Variants in SP8 observed in about 807,000 individuals in gnomAD.
SP8 encodes transcription factor Sp8.
A neutral mutation model predicts 15.3 loss-of-function variants in SP8; 7 were observed. That is an observed-to-expected ratio of 0.46 (90% CI 0.26 to 0.86). The LOEUF is 0.86. SP8 is among the 40% of genes least tolerant of loss of function. The pLI, the probability that SP8 is intolerant of heterozygous loss-of-function variation, is 0.16. For missense variants in SP8, 731 were observed against 736.4 expected, an observed-to-expected ratio of 0.99 and a Z score of 0.09; for synonymous variants, 415 against 356.3, an observed-to-expected ratio of 1.16 and a Z score of -1.86.
rs977743022 is a variant in SP8 at position 20,786,137 on chromosome 7, G to C, written c.22-342C>G. ...TCGTAACAAACAAGCAAAAAGTCCA[G>C]ATTGGAGAGGAAGGAAGTTTTCTTT... On this transcript the variant is annotated intron_variant, in intron 1 of 1. Transcript: ENST00000418710. This position sits in a 1 kb window ranked among gnomAD's most constrained non-coding sequence, Gnocchi z 4.4. 1.5e-6 allele frequency: 1 copy of C among 657,380 alleles called. No individual in the cohort carries two copies. The highest frequency in any genetic ancestry group is 2.0e-6 in the Non-Finnish European group (1 of 509,112). 40.7% of individuals were successfully genotyped at this position (657,380 alleles called of 1,614,324 possible).
chr7:20,785,431 G>A lies in SP8; in HGVS notation c.386C>T (p.Ala129Val). The change falls in exon 2 of 2, where the codon GCC becomes GTC. Residue 129 changes from alanine to valine, a missense_variant. By Grantham distance (64) the Ala-to-Val change is moderately conservative. This residue lies in a region of SP8 where 586 missense variants were observed against 524.9 expected (regional missense o/e 1.12). Transcript: ENST00000418710. This position sits in a 1 kb window ranked among gnomAD's most constrained non-coding sequence, Gnocchi z 7.2. ...CGAGCTGGAGGCGGCGGCTGCGGCG[G>A]CGGCGGCGGCGGCTGCGGCGCTGCT... is the stretch of plus-strand genomic sequence containing the variant. ...TSSSAAAAAAAAAAAASSSPF... is the reference protein window; with the variant it reads ...TSSSAAAAAAVAAAAASSSPF... 1.5e-6 allele frequency: 2 copies of A among 1,308,310 alleles called. No homozygotes were observed. Among genetic ancestry groups the A allele is most frequent in the South Asian group, 2.2e-5 (1 of 45,616 alleles). 81.0% of individuals were successfully genotyped at this position (1,308,310 alleles called of 1,614,324 possible). A position where few individuals can be genotyped will look rare whatever the true frequency, so the allele number is the denominator to read the frequency against.
In SP8 at chr7:20,785,419, G is replaced by A; in HGVS notation, c.398C>T (p.Ala133Val). 1 of 1,237,224 alleles carries A rather than the reference G, an allele frequency of 8.1e-7. No individual in the cohort carries two copies. Among genetic ancestry groups the A allele is most frequent in the South Asian group, 2.2e-5 (1 of 46,180 alleles). The allele number at this position is 1,237,224 out of a possible 1,614,324, so 76.6% of individuals were successfully genotyped here. Residue 133 changes from alanine to valine, a missense_variant, in exon 2 of 2, where the codon GCC (alanine) becomes GTC (valine). By Grantham distance (64) the Ala-to-Val change is moderately conservative. Coordinates refer to ENST00000418710, the MANE Select transcript of SP8 (RefSeq NM_182700.6). This position sits in a 1 kb window ranked among gnomAD's most constrained non-coding sequence, Gnocchi z 7.2. ...GTTGGCGAAGGGCGAGCTGGAGGCGGCGGCTGCGGCGGCGGCGGCGGCGGC... is the reference window on the plus strand; with the variant it reads ...GTTGGCGAAGGGCGAGCTGGAGGCGACGGCTGCGGCGGCGGCGGCGGCGGC... ...AAAAAAAAAA[A>V]ASSSPFANDY...
chr7:20,783,702 A>C lies in SP8; in HGVS notation c.*588T>G. 1 of 152,796 alleles carries C rather than the reference A, an allele frequency of 6.5e-6. No homozygotes were observed. Among genetic ancestry groups the C allele is most frequent in the Non-Finnish European group, 1.5e-5 (1 of 68,410 alleles). 9.5% of individuals were successfully genotyped at this position (152,796 alleles called of 1,614,324 possible). A position where few individuals can be genotyped will look rare whatever the true frequency, so the allele number is the denominator to read the frequency against. On this transcript the variant is annotated 3_prime_UTR_variant, in exon 2 of 2. Coordinates refer to ENST00000418710, the MANE Select transcript of SP8 (RefSeq NM_182700.6). ...CCCACCAAGCCCCGACAGCCTGAGT[A>C]GGACGTCCGGCGATGCCCAGGGGCC...
In SP8 at chr7:20,784,498, T is replaced by C; in HGVS notation, c.1319A>G (p.Asn440Ser). The change falls in exon 2 of 2, where the codon AAC (asparagine) becomes AGC (serine). Residue 440 changes from asparagine to serine, a missense_variant. Asn to Ser is a conservative substitution (Grantham distance 46). Transcript: ENST00000418710. ...GTGGTCGCTGCGCATGAAGCGCTTG[T>C]TGCAAACTGGACAGGCGAAGCGCTT... ...GEKRFACPVC[N>S]KRFMRSDHLS... The C allele has an allele frequency of 3.2e-6, 5 of 1,559,656 alleles. No homozygotes were observed. Among genetic ancestry groups the C allele is most frequent in the Non-Finnish European group, 4.3e-6 (5 of 1,153,024 alleles).
At position 20,784,264 on chromosome 7, in the gene SP8, G is replaced by C; in HGVS notation, c.*26C>G. The C allele has an allele frequency of 6.9e-7, 1 of 1,442,688 alleles. No individual in the cohort carries two copies. The highest frequency in any genetic ancestry group is 9.1e-7 in the Non-Finnish European group (1 of 1,102,904). 89.4% of individuals were successfully genotyped at this position (1,442,688 alleles called of 1,614,324 possible). On this transcript the variant is annotated 3_prime_UTR_variant, in exon 2 of 2. Transcript: ENST00000418710. Reference sequence around the variant, plus strand: ...AGAGGACTTGGTGGGAGGAGGTCGGGGAGAGGGGCGGGCGCAGGGTGGGCG... The same window carrying C: ...AGAGGACTTGGTGGGAGGAGGTCGGCGAGAGGGGCGGGCGCAGGGTGGGCG...
chr7:20,784,312 C>T lies in SP8; in HGVS notation c.1505G>A (p.Gly502Glu), dbSNP rs753449952. The change falls in exon 2 of 2, where the codon GGG becomes GAG. Residue 502 changes from glycine (G) to glutamate (E), a missense_variant. Coordinates refer to ENST00000418710, the MANE Select transcript of SP8 (RefSeq NM_182700.6). ...SPELLQPPEP[G>E]HRNGLE ...GCGTCACTCTAGGCCGTTGCGGTGC[C>T]CGGGCTCGGGGGGCTGCAGCAGCTC... The T allele has an allele frequency of 6.7e-7, 1 of 1,498,046 alleles. No homozygotes were observed. The highest frequency in any genetic ancestry group is 2.2e-5 in the Admixed American group (1 of 46,328). 92.8% of individuals were successfully genotyped at this position (1,498,046 alleles called of 1,614,324 possible).
chr7:20,784,212 A>G lies in SP8; in HGVS notation c.*78T>C. 1.6e-6 allele frequency: 2 copies of G among 1,229,906 alleles called. No homozygotes were observed. The highest frequency in any genetic ancestry group is 1.6e-5 in the African/African-American group (1 of 61,882). The allele number at this position is 1,229,906 out of a possible 1,614,324, so 76.2% of individuals were successfully genotyped here. ...GTCGGATGCAATAGGGAAAGGCTGG[A>G]GTTGAAGTCCGGACAGACAGGGCCC... is the stretch of plus-strand genomic sequence containing the variant. On this transcript the variant is annotated 3_prime_UTR_variant, in exon 2 of 2. Coordinates refer to ENST00000418710, the MANE Select transcript of SP8 (RefSeq NM_182700.6).
In SP8 at chr7:20,783,310, G is replaced by A. The variant is rs1306842940; in HGVS notation, c.*980C>T. The A allele has an allele frequency of 1.3e-5, 2 of 152,568 alleles. No individual in the cohort carries two copies. The highest frequency in any genetic ancestry group is 2.4e-5 in the African/African-American group (1 of 41,416). 9.5% of individuals were successfully genotyped at this position (152,568 alleles called of 1,614,324 possible). On this transcript the variant is annotated 3_prime_UTR_variant, in exon 2 of 2. Transcript: ENST00000418710. ...ATAGTTAATCTGGTCTCACCGGAAA[G>A]GAGTATTTTTGCATAAGAAAAAAGC...
At position 20,785,984 on chromosome 7, in the gene SP8, C is replaced by T; in HGVS notation, c.22-189G>A. Reference sequence around the variant, plus strand: ...AACAGCCCCGGCGCCCGGCCGCTTCCTACTCTACAGGAGGGGACAAGTTTG... The same window carrying T: ...AACAGCCCCGGCGCCCGGCCGCTTCTTACTCTACAGGAGGGGACAAGTTTG... On this transcript the variant is annotated intron_variant, in intron 1 of 1. Transcript: ENST00000418710. The surrounding 1 kb of genome is among the most constrained non-coding windows in gnomAD (Gnocchi z 7.2). The T allele has an allele frequency of 6.9e-7, 1 of 1,442,594 alleles. No individual in the cohort carries two copies. Among genetic ancestry groups the T allele is most frequent in the East Asian group, 2.5e-5 (1 of 39,842 alleles). The allele number at this position is 1,442,594 out of a possible 1,614,324, so 89.4% of individuals were successfully genotyped here.
At position 20,783,203 on chromosome 7, in the gene SP8, T is replaced by C. The variant is rs1783546617; in HGVS notation, c.*1087A>G. ...ATTTACGAAATTGGTACTATACAAT[T>C]GACGGCCGGACTAACAAAAAAGATT... On this transcript the variant is annotated 3_prime_UTR_variant, in exon 2 of 2. Transcript: ENST00000418710. 1.3e-5 allele frequency: 2 copies of C among 152,450 alleles called. No homozygotes were observed. The highest frequency in any genetic ancestry group is 6.6e-5 in the Admixed American group (1 of 15,260). The allele number at this position is 152,450 out of a possible 1,614,324, so 9.4% of individuals were successfully genotyped here.
In SP8 at chr7:20,786,411, ATT is replaced by A. The variant is rs889294182; in HGVS notation, c.21+365_21+366del. Among the ~76,000 whole-genome samples the A allele has an allele frequency of 6.6e-6, 1 of 151,542 alleles. No individual in the cohort carries two copies. Among genetic ancestry groups the A allele is most frequent in the African/African-American group, 2.4e-5 (1 of 41,274 alleles). On this transcript the variant is annotated intron_variant, in intron 1 of 1. Transcript: ENST00000418710. The surrounding 1 kb of genome is among the most constrained non-coding windows in gnomAD (Gnocchi z 4.4). ...CCTGCGAGACAAGGCGGGCTGCAGAATTTTTTTTTAAGGGTTAGGGGAAGAAT... is the reference window on the plus strand; with the variant it reads ...CCTGCGAGACAAGGCGGGCTGCAGAATTTTTTTAAGGGTTAGGGGAAGAAT...
At position 20,784,177 on chromosome 7, in the gene SP8, CAGAG is replaced by C; in HGVS notation, c.*109_*112del. ...GAAGAGGGGCAGAAACAGAAAGAGA[CAGAG>C]AGCGAGTCGGATGCAATAGGGAAAG... On this transcript the variant is annotated 3_prime_UTR_variant, in exon 2 of 2. Coordinates refer to ENST00000418710, the MANE Select transcript of SP8 (RefSeq NM_182700.6). The C allele has an allele frequency of 2.1e-6, 2 of 961,280 alleles. No individual in the cohort carries two copies. The highest frequency in any genetic ancestry group is 4.5e-5 in the South Asian group (2 of 44,344). The allele number at this position is 961,280 out of a possible 1,614,324, so 59.5% of individuals were successfully genotyped here.
In SP8 at chr7:20,786,293, C is replaced by A. The variant is rs1783676442; in HGVS notation, c.21+485G>T. 6.6e-6 allele frequency among the ~76,000 whole-genome samples: 1 copy of A among 152,116 alleles called. No individual in the cohort carries two copies. The highest frequency in any genetic ancestry group is 2.1e-4 in the South Asian group (1 of 4,824). On this transcript the variant is annotated intron_variant, in intron 1 of 1. Coordinates refer to ENST00000418710, the MANE Select transcript of SP8 (RefSeq NM_182700.6). This position sits in a 1 kb window ranked among gnomAD's most constrained non-coding sequence, Gnocchi z 4.4. Reference sequence around the variant, plus strand: ...TTGTTTCTCCCAGGCCAAAAGAAATCAAACTGTAGGGCTCACTCTTTCTTC... The same window carrying A: ...TTGTTTCTCCCAGGCCAAAAGAAATAAAACTGTAGGGCTCACTCTTTCTTC...
In SP8 at chr7:20,785,430, G is replaced by GGCGGCGGCGGCGGCT; in HGVS notation, c.372_386dup (p.Ala130_Ala134dup). On this transcript the variant is annotated inframe_insertion, in exon 2 of 2. Transcript: ENST00000418710. This position sits in a 1 kb window ranked among gnomAD's most constrained non-coding sequence, Gnocchi z 7.2. Reference sequence around the variant, plus strand: ...GCGAGCTGGAGGCGGCGGCTGCGGCGGCGGCGGCGGCGGCTGCGGCGCTGC... The same window carrying GGCGGCGGCGGCGGCT: ...GCGAGCTGGAGGCGGCGGCTGCGGCGGCGGCGGCGGCGGCTGCGGCGGCGGCGGCTGCGGCGCTGC... The GGCGGCGGCGGCGGCT allele has an allele frequency of 7.6e-7, 1 of 1,310,426 alleles. No homozygotes were observed. Among genetic ancestry groups the GGCGGCGGCGGCGGCT allele is most frequent in the Non-Finnish European group, 9.8e-7 (1 of 1,021,838 alleles). The allele number at this position is 1,310,426 out of a possible 1,614,324, so 81.2% of individuals were successfully genotyped here.
In SP8 at chr7:20,785,583, G is replaced by C. The variant is rs1314446382; in HGVS notation, c.234C>G (p.Ser78=). 1 of 1,605,622 alleles carries C rather than the reference G, an allele frequency of 6.2e-7. No individual in the cohort carries two copies. The highest frequency in any genetic ancestry group is 2.3e-5 in the East Asian group (1 of 44,182). The part of the protein sequence containing the change: ...SLSSFGVSGA[S]RNGGSSSAAA... ...CCGCCGAGGACGAGCCGCCGTTCCT[G>C]GAGGCCCCGGACACGCCGAAGCTTG... Residue 78 remains serine, a synonymous_variant, in exon 2 of 2, where the codon TCC becomes TCG. Transcript: ENST00000418710. The surrounding 1 kb of genome is among the most constrained non-coding windows in gnomAD (Gnocchi z 7.2).
Position 20,784,808 on chromosome 7 carries a change from G to A in SP8, c.1009C>T (p.Pro337Ser). The A allele has an allele frequency of 6.5e-7, 1 of 1,529,816 alleles. No homozygotes were observed. Among genetic ancestry groups the A allele is most frequent in the Non-Finnish European group, 8.7e-7 (1 of 1,144,966 alleles). The allele number at this position is 1,529,816 out of a possible 1,614,324, so 94.8% of individuals were successfully genotyped here. A position where few individuals can be genotyped will look rare whatever the true frequency, so the allele number is the denominator to read the frequency against. Residue 337 changes from proline to serine, a missense_variant, in exon 2 of 2, where the codon CCG becomes TCG. This residue lies in a region of SP8 where 586 missense variants were observed against 524.9 expected (regional missense o/e 1.12). Coordinates refer to ENST00000418710, the MANE Select transcript of SP8 (RefSeq NM_182700.6). ...AGPSAPLGGSPRSSARRYSGR... is the reference protein window; with the variant it reads ...AGPSAPLGGSSRSSARRYSGR... The stretch of plus-strand genomic sequence containing the variant: ...GAGTAGCGGCGAGCTGAGGAGCGCG[G>A]GGAGCCCCCCAGCGGCGCCGAAGGC...
Position 20,786,842 on chromosome 7 carries a change from T to G in SP8, c.-44A>C. Reference sequence around the variant, plus strand: ...TCCTCTCAGAGGATCTTTTTTATATTGATAAATCAGAGGCAGTGTTTTTTT... The same window carrying G: ...TCCTCTCAGAGGATCTTTTTTATATGGATAAATCAGAGGCAGTGTTTTTTT... On this transcript the variant is annotated 5_prime_UTR_variant, in exon 1 of 2. Coordinates refer to ENST00000418710, the MANE Select transcript of SP8 (RefSeq NM_182700.6). This position sits in a 1 kb window ranked among gnomAD's most constrained non-coding sequence, Gnocchi z 4.4. The G allele has an allele frequency of 6.6e-7, 1 of 1,525,980 alleles. No individual in the cohort carries two copies. Among genetic ancestry groups the G allele is most frequent in the Non-Finnish European group, 9.1e-7 (1 of 1,099,296 alleles). The allele number at this position is 1,525,980 out of a possible 1,614,324, so 94.5% of individuals were successfully genotyped here.
rs1443691807 is a variant in SP8, at chr7:20,784,783, G to C, written c.1034C>G (p.Ser345Cys). ...GSPRSSARRY[S>C]GRATCDCPNC... ...GGGGCAGTCGCAGGTGGCGCGGCCG[G>C]AGTAGCGGCGAGCTGAGGAGCGCGG... is the stretch of plus-strand genomic sequence containing the variant. The change falls in exon 2 of 2, where the codon TCC becomes TGC. Residue 345 changes from serine to cysteine, a missense_variant. Coordinates refer to ENST00000418710, the MANE Select transcript of SP8 (RefSeq NM_182700.6). The C allele has an allele frequency of 1.9e-6, 3 of 1,540,484 alleles. No homozygotes were observed. The highest frequency in any genetic ancestry group is 4.9e-5 in the East Asian group (2 of 40,988).
Position 20,786,857 on chromosome 7 carries a change from AGT to A in SP8, c.-61_-60del. On this transcript the variant is annotated 5_prime_UTR_variant, in exon 1 of 2. Coordinates refer to ENST00000418710, the MANE Select transcript of SP8 (RefSeq NM_182700.6). This position sits in a 1 kb window ranked among gnomAD's most constrained non-coding sequence, Gnocchi z 4.4. Reference sequence around the variant, plus strand: ...TTTTTTATATTGATAAATCAGAGGCAGTGTTTTTTTTAGAGGTGTGCAATACA... The same window carrying A: ...TTTTTTATATTGATAAATCAGAGGCAGTTTTTTTTAGAGGTGTGCAATACA... 7 of 1,429,022 alleles carry A rather than the reference AGT, an allele frequency of 4.9e-6. No individual in the cohort carries two copies. The highest frequency in any genetic ancestry group is 6.9e-6 in the Non-Finnish European group (7 of 1,010,996). The allele number at this position is 1,429,022 out of a possible 1,614,324, so 88.5% of individuals were successfully genotyped here.
Sources: gnomAD v4.1 joint callset for allele counts (sites outside exome capture counted in the v4.1 genomes callset) on GRCh38, gnomAD v4.1.1 for gene constraint, gnomAD v4.1.1 regional missense constraint, Gnocchi (gnomAD v3.1) non-coding constraint, MANE v1.5 for transcripts, NCBI Gene and HGNC (gene_info 2026-07-23, HGNC 2026-07-21) for gene names.